The following CNTNAP5 variants were observed in gnomAD, a reference collection of about 807,000 sequenced individuals.
The protein encoded by CNTNAP5 is contactin-associated protein-like 5.
A neutral mutation model predicts 150.2 loss-of-function variants in CNTNAP5; 72 were observed. The ratio of observed to expected loss-of-function variants is 0.48; its 90% CI spans 0.40 to 0.58. CNTNAP5 has a LOEUF of 0.58. Among genes scored for constraint, CNTNAP5 ranks in the 20% least tolerant of loss-of-function variants. The probability of loss-of-function intolerance (pLI) is 0.00; values close to 1 mark genes in which losing one functional copy is unlikely to be tolerated. For missense variants in CNTNAP5, 1,636 were observed against 1,626.2 expected (o/e 1.01, Z -0.10); for synonymous variants, 672 against 619.8 (o/e 1.08, Z -1.25).
At chr2:124,120,114 T>TATG (rs1454649942) in intron 1 of CNTNAP5, among the ~76,000 whole-genome samples, 1 of 152,094 alleles carries the variant, frequency 6.6e-6, no homozygotes, top group Non-Finnish European at 1.5e-5. Context: ...CACCAGCCAT[T>TATG]GTGGTTGTCA....
intron 11 of CNTNAP5, among the ~76,000 whole-genome samples, chr2:124,592,393 G>C (rs1429949296): frequency 6.6e-6 from 1 of 150,786 alleles, no homozygotes; most frequent in Non-Finnish European, 1.5e-5. Flanking sequence ...GTGTGTGTGT[G>C]TATCAAAATA....
intron 4 of CNTNAP5, among the ~76,000 whole-genome samples, chr2:124,432,090 T>C (rs181869290): frequency 5.4e-4 from 82 of 152,282 alleles, no homozygotes; most frequent in African/African-American, 1.8e-3. Flanking sequence ...ATATAATTTG[T>C]GGATGGTGAT....
chr2:124,562,400 A>G (rs1450152529), intron 10 of CNTNAP5, among the ~76,000 whole-genome samples: 1 of 152,148 alleles, frequency 6.6e-6, no homozygotes, highest in African/African-American at 2.4e-5. Context: ...TAGTCCATTA[A>G]TTTTATGTAC....
intron 19 of CNTNAP5, among the ~76,000 whole-genome samples, chr2:124,859,084 T>C (rs1421201276): frequency 6.6e-6 from 1 of 151,944 alleles, no homozygotes; most frequent in Non-Finnish European, 1.5e-5. Flanking sequence ...AAAGAGCTTC[T>C]GCACAGCAAA....
At chr2:124,414,722 CGTGT>C (rs58485169) in intron 3 of CNTNAP5, among the ~76,000 whole-genome samples, 2 of 149,640 alleles carry the variant, frequency 1.3e-5, no homozygotes, top group Admixed American at 6.7e-5. Context: ...TGTGTGTGTG[CGTGT>C]GTGTGTGTGT....
chr2:124,621,711 C>T (rs906309725), intron 12 of CNTNAP5, among the ~76,000 whole-genome samples: 1 of 152,156 alleles, frequency 6.6e-6, no homozygotes, highest in Non-Finnish European at 1.5e-5. Context: ...GTGAATTTAC[C>T]TGTGGGCTGC....
At chr2:124,412,388 T>G (rs1236627593) in intron 3 of CNTNAP5, among the ~76,000 whole-genome samples, 1 of 147,320 alleles carries the variant, frequency 6.8e-6, no homozygotes, top group East Asian at 2.0e-4. Flanking sequence ...ACTTTAAAGT[T>G]CATATGGAAC....
intron 6 of CNTNAP5, among the ~76,000 whole-genome samples, chr2:124,455,039 A>G (rs2104814597): frequency 6.6e-6 from 1 of 152,214 alleles, no homozygotes; most frequent in South Asian, 2.1e-4. Flanking sequence ...AGGAAATAAC[A>G]AAGATCAGAG....
chr2:124,382,422 G>C (rs1690819689), intron 3 of CNTNAP5, among the ~76,000 whole-genome samples: 1 of 152,108 alleles, frequency 6.6e-6, no homozygotes, highest in Non-Finnish European at 1.5e-5. Context: ...CTTGGAGAGT[G>C]GGAGAGTGAA....
At chr2:124,064,590 T>C (rs1220545641) in intron 1 of CNTNAP5, among the ~76,000 whole-genome samples, 1 of 152,186 alleles carries the variant, frequency 6.6e-6, no homozygotes, top group African/African-American at 2.4e-5. Flanking sequence ...GCGAATCTTA[T>C]AATTTCTTGA....
At chr2:124,781,944 C>A (rs1681462154) in intron 17 of CNTNAP5, among the ~76,000 whole-genome samples, 1 of 152,184 alleles carries the variant, frequency 6.6e-6, no homozygotes, top group Admixed American at 6.5e-5. Flanking sequence ...CTGACAAGGT[C>A]TTACCCAATA....
chr2:124,578,063 A>G (rs1370315678), intron 11 of CNTNAP5, among the ~76,000 whole-genome samples: 2 of 149,940 alleles, frequency 1.3e-5, no homozygotes, highest in Non-Finnish European at 1.5e-5. Context: ...TAATCCCAGC[A>G]CTTTGGGAGG....
In CNTNAP5 at chr2:124,711,077, C is replaced by T. The variant is rs1239680209; in HGVS notation, c.2078-36152C>T. The stretch of plus-strand genomic sequence containing the variant: ...TACGAGGTCAGGAGTTGAAGACCAG[C>T]CTGGCCAACATGGTGAAACCCCATC... On this transcript the variant is annotated intron_variant, in intron 13 of 23. Coordinates refer to ENST00000682447, the MANE Select transcript of CNTNAP5 (RefSeq NM_001367498.1). Among the ~76,000 whole-genome samples the T allele has an allele frequency of 2.0e-5, 3 of 151,968 alleles. No individual in the cohort carries two copies. The East Asian group carries it at 5.8e-4, about 30-fold the overall frequency.
At chr2:124,183,958 A>G (rs1558791159) in intron 1 of CNTNAP5, among the ~76,000 whole-genome samples, 2 of 152,234 alleles carry the variant, frequency 1.3e-5, no homozygotes, top group Non-Finnish European at 2.9e-5. Flanking sequence ...ATTAAGTCTC[A>G]GCAGATAAAT....
chr2:124,106,761 A>T (rs1327069112), intron 1 of CNTNAP5, among the ~76,000 whole-genome samples: 1 of 152,198 alleles, frequency 6.6e-6, no homozygotes, highest in Non-Finnish European at 1.5e-5. Context: ...CCCCATATAT[A>T]TAGCTGGTCA....
chr2:124,701,357 C>T (rs1005475722), intron 13 of CNTNAP5, among the ~76,000 whole-genome samples: 6 of 152,212 alleles, frequency 3.9e-5, no homozygotes, highest in African/African-American at 1.4e-4. Context: ...GGCAAGATCT[C>T]ACTCAGTTTT....
At chr2:124,603,805 ATACC>A (rs2104976970) in intron 11 of CNTNAP5, among the ~76,000 whole-genome samples, 1 of 152,332 alleles carries the variant, frequency 6.6e-6, no homozygotes, top group Non-Finnish European at 1.5e-5. Context: ...ATATACATAC[ATACC>A]TACATACATA....
intron 21 of CNTNAP5, among the ~76,000 whole-genome samples, chr2:124,883,311 C>T (rs1463232824): frequency 6.6e-6 from 1 of 151,904 alleles, no homozygotes; most frequent in Non-Finnish European, 1.5e-5. Context: ...ATCTATGTGT[C>T]TCAGTCTCCC....
chr2:124,051,340 G>A (rs1434651990), intron 1 of CNTNAP5, among the ~76,000 whole-genome samples: 3 of 152,178 alleles, frequency 2.0e-5, no homozygotes, highest in South Asian at 2.1e-4. Context: ...GCCTGCTTAT[G>A]AGAAGGTCTG....
Sources: allele counts gnomAD v4.1 joint callset (sites outside exome capture counted in the v4.1 genomes callset), GRCh38; gene constraint gnomAD v4.1.1; transcripts MANE v1.5; gene names NCBI Gene and HGNC (gene_info 2026-07-23, HGNC 2026-07-21).